The following LITAF variants were observed in gnomAD, a reference collection of about 807,000 sequenced individuals.
The protein encoded by LITAF is lipopolysaccharide-induced tumor necrosis factor-alpha factor.
LITAF carries 9 observed loss-of-function variants against 14.5 expected under a neutral mutation model. The observed-to-expected ratio is 0.62, with a 90% CI of 0.37 to 1.08. The LOEUF is 1.08. Ranked by LOEUF, LITAF falls within the 50% of genes least tolerant of loss-of-function variation. The pLI is 0.01. For missense variants in LITAF, 206 were observed against 213.4 expected (o/e 0.97, Z 0.22); for synonymous variants, 98 against 88.2 (o/e 1.11, Z -0.62).
chr16:11,574,950 A>C (rs555202681), intron 1 of LITAF, among the ~76,000 whole-genome samples: 1 of 152,016 alleles, frequency 6.6e-6, no homozygotes, highest in Admixed American at 6.6e-5. Flanking sequence ...TTACAGGTGC[A>C]TGCCACCACG....
intron 1 of LITAF, among the ~76,000 whole-genome samples, chr16:11,585,199 C>T (rs1223064447): frequency 6.7e-6 from 1 of 148,390 alleles, no homozygotes; most frequent in Non-Finnish European, 1.5e-5. Context: ...CACCACTGCA[C>T]TCCAGCCTAG....
At chr16:11,623,387 C>T (rs1194873392) in intron 3 of LITAF, among the ~76,000 whole-genome samples, 1 of 151,382 alleles carries the variant, frequency 6.6e-6, no homozygotes. Flanking sequence ...TCAGGCTGGG[C>T]GTGGTGGCTC....
At chr16:11,552,396 C>G (rs1188762206) in intron 3 of LITAF, among the ~76,000 whole-genome samples, 1 of 152,152 alleles carries the variant, frequency 6.6e-6, no homozygotes, top group Non-Finnish European at 1.5e-5. Flanking sequence ...AATTTCCCTG[C>G]ATGGGCAATG....
At chr16:11,589,785 G>GT (rs34570896), upstream of LITAF, among the ~76,000 whole-genome samples, 63,488 of 150,064 alleles carry the variant, frequency 0.42, 14,577 homozygotes, top group African/African-American at 0.61. Flanking sequence ...TGCCCAGCTA[G>GT]TTTTTTTTTG....
intron 1 of LITAF, among the ~76,000 whole-genome samples, chr16:11,573,814 A>G (rs12924159): frequency 0.71 from 105,139 of 148,534 alleles, 37,227 homozygotes; most frequent in African/African-American, 0.73. Flanking sequence ...CACCTCTCCT[A>G]CCTCAGCCTC....
At chr16:11,557,751 T>C (rs1031183145) in intron 1 of LITAF, among the ~76,000 whole-genome samples, 2 of 152,226 alleles carry the variant, frequency 1.3e-5, no homozygotes, top group African/African-American at 4.8e-5. Flanking sequence ...GCGCCCAGCC[T>C]CTGTGTTATA....
upstream of LITAF, among the ~76,000 whole-genome samples, chr16:11,599,915 G>A (rs2064917012): frequency 6.6e-6 from 1 of 152,010 alleles, no homozygotes; most frequent in African/African-American, 2.4e-5. Context: ...TCTATCTGAG[G>A]TTATCCTCCC....
upstream of LITAF, among the ~76,000 whole-genome samples, chr16:11,638,516 CATG>C (rs563555250): frequency 6.6e-6 from 1 of 151,870 alleles, no homozygotes; most frequent in African/African-American, 2.4e-5. Context: ...GCCTGACCAA[CATG>C]ATGAAACCCA....
chr16:11,626,257 C>T (rs576361223), intron 3 of LITAF, among the ~76,000 whole-genome samples: 1 of 152,210 alleles, frequency 6.6e-6, no homozygotes, highest in Non-Finnish European at 1.5e-5. Flanking sequence ...CAGCTCACTG[C>T]AACCTCTGCC....
chr16:11,587,664 G>A, upstream of LITAF: 1 of 225,832 alleles, frequency 4.4e-6, no homozygotes. Flanking sequence ...ATCACTGAAA[G>A]CAAGCTCTGG....
intron 1 of LITAF, among the ~76,000 whole-genome samples, chr16:11,583,872 G>C (rs1386133588): frequency 2.0e-5 from 3 of 152,148 alleles, no homozygotes; most frequent in African/African-American, 7.2e-5. Flanking sequence ...ACACCCTCCA[G>C]AATGGTTCCT....
chr16:11,566,863 T>A (rs2064459046), intron 1 of LITAF, among the ~76,000 whole-genome samples: 1 of 151,928 alleles, frequency 6.6e-6, no homozygotes, highest in East Asian at 1.9e-4. Context: ...AGCTCTAACA[T>A]AGAATCTGAG....
intron 3 of LITAF, among the ~76,000 whole-genome samples, chr16:11,624,718 T>G (rs2065072946): frequency 6.6e-6 from 1 of 152,148 alleles, no homozygotes; most frequent in Non-Finnish European, 1.5e-5. Flanking sequence ...GGAAGGGAAG[T>G]GTGATCGACT....
intron 1 of LITAF, among the ~76,000 whole-genome samples, chr16:11,592,303 C>T (rs1475945189): frequency 7.2e-5 from 11 of 152,238 alleles, no homozygotes; most frequent in African/African-American, 1.9e-4. Context: ...GGGCTGGGTG[C>T]GGTGGCTCAC....
intron 3 of LITAF, chr16:11,551,724 C>A: frequency 4.4e-6 from 3 of 676,694 alleles, no homozygotes; most frequent in South Asian, 3.1e-5. Flanking sequence ...CCCAGGTACT[C>A]AGGAGGCTGA....
At chr16:11,613,070 C>T (rs959715530) in intron 3 of LITAF, among the ~76,000 whole-genome samples, 9 of 152,028 alleles carry the variant, frequency 5.9e-5, no homozygotes, top group Middle Eastern at 3.2e-3. Context: ...GATGGAGTTT[C>T]GCTCTGTTGC....
upstream of LITAF, among the ~76,000 whole-genome samples, chr16:11,590,497 A>C (rs907441453): frequency 7.0e-4 from 82 of 117,504 alleles, 14 homozygotes; most frequent in East Asian, 5.8e-4. Context: ...ATTACATGAG[A>C]TATTCAATAC....
intron 3 of LITAF, among the ~76,000 whole-genome samples, chr16:11,604,859 C>G (rs1457755373): frequency 6.6e-6 from 1 of 151,748 alleles, no homozygotes; most frequent in African/African-American, 2.4e-5. Context: ...CCCTGAAACG[C>G]TGCGTCAAAC....
At chr16:11,550,451 T>C (rs993453041) in intron 3 of LITAF, among the ~76,000 whole-genome samples, 2 of 152,146 alleles carry the variant, frequency 1.3e-5, no homozygotes, top group African/African-American at 4.8e-5. Context: ...ATATCTGTTG[T>C]TTTAAACACT....
Sources: gnomAD v4.1 joint callset for allele counts (sites outside exome capture counted in the v4.1 genomes callset) on GRCh38, gnomAD v4.1.1 for gene constraint, MANE v1.5 for transcripts, NCBI Gene and HGNC (gene_info 2026-07-23, HGNC 2026-07-21) for gene names.